SNX16: variants seen among roughly 807,000 people sequenced by gnomAD.
The protein encoded by SNX16 is sorting nexin-16.
A neutral mutation model predicts 36.7 loss-of-function variants in SNX16; 35 were observed. The ratio of observed to expected loss-of-function variants is 0.95; its 90% CI spans 0.73 to 1.27. The LOEUF (loss-of-function observed/expected upper bound fraction) is 1.27. SNX16 is among the 50% of genes most tolerant of loss of function. The probability of loss-of-function intolerance (pLI) is 0.00; values close to 1 mark genes in which losing one functional copy is unlikely to be tolerated. For missense variants in SNX16, 367 were observed against 393.6 expected, an observed-to-expected ratio of 0.93 and a Z score of 0.57; for synonymous variants, 134 against 132.0, an observed-to-expected ratio of 1.02 and a Z score of -0.10.
intron 2 of SNX16, among the ~76,000 whole-genome samples, chr8:81,832,834 T>C (rs768386321): frequency 1.3e-5 from 2 of 148,240 alleles, no homozygotes; most frequent in Non-Finnish European, 3.0e-5. Context: ...AAGCTACATA[T>C]AGGCACATAC....
At chr8:81,838,190 A>G (rs1220226315) in intron 2 of SNX16, among the ~76,000 whole-genome samples, 2 of 152,176 alleles carry the variant, frequency 1.3e-5, no homozygotes, top group Non-Finnish European at 2.9e-5. Flanking sequence ...CAGATGTAAG[A>G]ACCCTGCACC....
chr8:81,808,100 G>C, intron 5 of SNX16: 1 of 1,200,382 alleles, frequency 8.3e-7, no homozygotes, highest in Non-Finnish European at 1.2e-6. Flanking sequence ...ATATTTATTG[G>C]TGGCATTAAA....
intron 4 of SNX16, chr8:81,815,753 C>G (rs1191125344): frequency 6.0e-6 from 1 of 166,094 alleles, no homozygotes; most frequent in East Asian, 1.6e-4. Context: ...AATGCAATTT[C>G]TAATTTATAC....
intron 4 of SNX16, among the ~76,000 whole-genome samples, chr8:81,822,258 G>A (rs1810780867): frequency 6.6e-6 from 1 of 152,052 alleles, no homozygotes; most frequent in Non-Finnish European, 1.5e-5. Context: ...TACGAGGTCA[G>A]GGTTGGATGG....
At chr8:81,820,153 T>A (rs536392711) in intron 4 of SNX16, among the ~76,000 whole-genome samples, 12 of 152,240 alleles carry the variant, frequency 7.9e-5, no homozygotes, top group Admixed American at 3.3e-4. Flanking sequence ...TTTTATGTAG[T>A]GATTCTTACA....
intron 3 of SNX16, among the ~76,000 whole-genome samples, chr8:81,828,681 TG>T (rs1321489906): frequency 4.6e-5 from 7 of 152,240 alleles, no homozygotes; most frequent in Non-Finnish European, 1.0e-4. Context: ...TAAGATTATC[TG>T]GGTGAGCCTT....
At chr8:81,802,348 A>G (rs745373366) in intron 7 of SNX16, 32 bp downstream of exon 7, 1 of 1,553,492 alleles carries the variant, frequency 6.4e-7, no homozygotes. Flanking sequence ...ATTATTCAAG[A>G]ATTAAGCTAT....
chr8:81,817,184 GTA>G (rs1463176896), intron 4 of SNX16, among the ~76,000 whole-genome samples: 32 of 152,068 alleles, frequency 2.1e-4, no homozygotes, highest in African/African-American at 7.0e-4. Context: ...AATACTTTCA[GTA>G]TATGACAAAT....
At chr8:81,808,777 CAG>C (rs2130617399) in intron 5 of SNX16, 1 of 946,446 alleles carries the variant, frequency 1.1e-6, no homozygotes, top group South Asian at 1.3e-5. Context: ...AGAGAAGTAA[CAG>C]GGAAGCTACA....
rs1809608486 is a variant in SNX16 at position 81,799,911 on chromosome 8, T to C, written c.*1586A>G. 1 of 151,902 alleles carries C rather than the reference T, an allele frequency of 6.6e-6. No homozygotes were observed. Among genetic ancestry groups the C allele is most frequent in the Non-Finnish European group, 1.5e-5 (1 of 67,806 alleles). 9.4% of individuals were successfully genotyped at this position (151,902 alleles called of 1,614,324 possible). ...ATAATAATTTTAATAAATAAGCAGA[T>C]CAATTTATTATATTCATTTCTGTCT... is the stretch of plus-strand genomic sequence containing the variant. On this transcript the variant is annotated 3_prime_UTR_variant, in exon 8 of 8. Coordinates refer to ENST00000345957, the MANE Select transcript of SNX16 (RefSeq NM_152836.3).
chr8:81,821,548 T>C (rs764595760), intron 4 of SNX16, among the ~76,000 whole-genome samples: 9 of 152,030 alleles, frequency 5.9e-5, no homozygotes, highest in Non-Finnish European at 1.3e-4. Flanking sequence ...AATTTTGGTG[T>C]TTACTGGTTT....
At chr8:81,815,428 C>T (rs750427488) in intron 4 of SNX16, 34 bp from the exon 5 acceptor site, 1 of 1,591,120 alleles carries the variant, frequency 6.3e-7, no homozygotes, top group East Asian at 2.2e-5. Context: ...ATCTGAAGTA[C>T]AAATAAGTTT....
intron 4 of SNX16, among the ~76,000 whole-genome samples, chr8:81,821,660 A>G (rs1810747924): frequency 6.6e-6 from 1 of 151,924 alleles, no homozygotes. Context: ...TGTTTTCACC[A>G]CCTAGACCAC....
intron 1 of SNX16, 185 bp from the exon 2 acceptor site, chr8:81,840,267 C>G (rs914235134): frequency 1.1e-5 from 3 of 279,424 alleles, no homozygotes; most frequent in African/African-American, 4.4e-5. Context: ...AACTACTTCA[C>G]ACTCTTTTTC....
rs534359628 is a variant in SNX16 at position 81,819,812 on chromosome 8, A to G, written c.611+3980T>C. 5.9e-4 allele frequency among the ~76,000 whole-genome samples: 90 copies of G among 152,080 alleles called. 1 individual carries two copies. The highest frequency in any genetic ancestry group is 9.7e-4 in the Non-Finnish European group (66 of 67,954). ...AATCTGAAAACAACATTCTTTTAAA[A>G]TATTCAAATCAATAGTCCTTAACAT... On this transcript the variant is annotated intron_variant, in intron 4 of 7. Coordinates refer to ENST00000345957, the MANE Select transcript of SNX16 (RefSeq NM_152836.3).
At chr8:81,808,788 C>T in intron 5 of SNX16, 1 of 836,294 alleles carries the variant, frequency 1.2e-6, no homozygotes, top group Non-Finnish European at 2.0e-6. Context: ...AGGGAAGCTA[C>T]AGGTAACAAC....
In SNX16 at chr8:81,829,521, GCA is replaced by G; in HGVS notation, c.376-7_376-6del. On this transcript the variant is annotated splice_region_variant and splice_polypyrimidine_tract_variant and intron_variant, in intron 2 of 7. Coordinates refer to ENST00000345957, the MANE Select transcript of SNX16 (RefSeq NM_152836.3). ...CTTTACTAGTATTTTATATACCTAT[GCA>G]CAGGAAGAAAAACAGACGGAGAGAA... 1 of 1,274,318 alleles carries G rather than the reference GCA, an allele frequency of 7.8e-7. No individual in the cohort carries two copies. 78.9% of individuals were successfully genotyped at this position (1,274,318 alleles called of 1,614,324 possible). A position where few individuals can be genotyped will look rare whatever the true frequency, so the allele number is the denominator to read the frequency against.
In SNX16 at chr8:81,815,349, T is replaced by G; in HGVS notation, c.657A>C (p.Pro219=). 1 of 1,612,784 alleles carries G rather than the reference T, an allele frequency of 6.2e-7. No individual in the cohort carries two copies. Among genetic ancestry groups the G allele is most frequent in the South Asian group, 1.1e-5 (1 of 91,024 alleles). ...CCCTGCTTTCTTCTAGGCTATCAAA[T>G]GGACCCGGTGGATCATCCAAACAAA... ...EFLCLDDPPG[P]FDSLEESRAF... Residue 219 remains proline (P), a synonymous_variant, in exon 5 of 8, where the codon CCA becomes CCC. Coordinates refer to ENST00000345957, the MANE Select transcript of SNX16 (RefSeq NM_152836.3).
intron 3 of SNX16, among the ~76,000 whole-genome samples, chr8:81,828,148 AACAAAACAATAT>A (rs1811094643): frequency 2.6e-5 from 4 of 152,158 alleles, no homozygotes; most frequent in South Asian, 4.1e-4. Context: ...AACACAGATA[AACAAAACAATAT>A]ACAAAACACT....
Sources: gnomAD v4.1 joint callset for allele counts (sites outside exome capture counted in the v4.1 genomes callset) on GRCh38, gnomAD v4.1.1 for gene constraint, MANE v1.5 for transcripts, NCBI Gene and HGNC (gene_info 2026-07-23, HGNC 2026-07-21) for gene names.